RAPGEF4: variants seen among roughly 807,000 people sequenced by gnomAD.
The protein encoded by RAPGEF4 is RAP guanine-nucleotide-exchange factor (GEF) 4.
RAPGEF4 carries 66 observed loss-of-function variants against 147.9 expected under a neutral mutation model. The ratio of observed to expected loss-of-function variants is 0.45; its 90% confidence interval spans 0.37 to 0.55. The LOEUF (loss-of-function observed/expected upper bound fraction) is 0.55, where lower values mean the gene tolerates loss of function less well. Ranked by LOEUF, RAPGEF4 falls within the 20% of genes least tolerant of loss-of-function variation. The probability of loss-of-function intolerance (pLI) is 0.00; values close to 1 mark genes in which losing one functional copy is unlikely to be tolerated. For synonymous variants in RAPGEF4, 419 were observed against 442.7 expected, an observed-to-expected ratio of 0.95 and a Z score of 0.67; for missense variants, 1,071 against 1,257.3, an observed-to-expected ratio of 0.85 and a Z score of 2.24.
At chr2:173,046,313 T>C (rs1450034537) in intron 29 of RAPGEF4, among the ~76,000 whole-genome samples, 1 of 152,224 alleles carries the variant, frequency 6.6e-6, no homozygotes. Flanking sequence ...CTAAAAATTA[T>C]GAAGTCTCAG....
chr2:172,735,741 CGGCGGGCG>C (rs558674907), upstream of RAPGEF4: 1 of 170,656 alleles, frequency 5.9e-6, no homozygotes, highest in East Asian at 1.7e-4. Flanking sequence ...CGCAGTGCAG[CGGCGGGCG>C]GGCGGGCGAC....
At chr2:172,955,235 A>C (rs1349799623) in intron 6 of RAPGEF4, among the ~76,000 whole-genome samples, 1 of 152,078 alleles carries the variant, frequency 6.6e-6, no homozygotes, top group African/African-American at 2.4e-5. Flanking sequence ...TCTACTGGGG[A>C]GTTATTGTGC....
chr2:172,965,396 C>A, intron 8 of RAPGEF4, 166 bp from the exon 9 acceptor site: 2 of 767,500 alleles, frequency 2.6e-6, no homozygotes, highest in Non-Finnish European at 2.2e-6. Flanking sequence ...CTTGTATTAG[C>A]ATTTGAGAAC....
intron 12 of RAPGEF4, among the ~76,000 whole-genome samples, chr2:172,986,769 C>T (rs1005051336): frequency 6.6e-6 from 1 of 151,638 alleles, no homozygotes; most frequent in African/African-American, 2.4e-5. Context: ...CCTTGGCTCA[C>T]TGCAACCTTC....
intron 16 of RAPGEF4, among the ~76,000 whole-genome samples, chr2:172,997,516 C>A (rs1235610176): frequency 6.6e-6 from 1 of 152,100 alleles, no homozygotes; most frequent in African/African-American, 2.4e-5. Context: ...GTCTTGTTAC[C>A]TAAGACACAG....
intron 1 of RAPGEF4, among the ~76,000 whole-genome samples, chr2:172,780,378 C>G (rs546686360): frequency 2.0e-5 from 3 of 152,180 alleles, no homozygotes; most frequent in African/African-American, 7.2e-5. Flanking sequence ...TGTGGGAAGG[C>G]AAATCTATGG....
intron 10 of RAPGEF4, among the ~76,000 whole-genome samples, chr2:172,971,229 A>T (rs187557330): frequency 6.6e-6 from 1 of 152,336 alleles, no homozygotes; most frequent in African/African-American, 2.4e-5. Context: ...CTTCAAGGAG[A>T]CAGGACGCTC....
At chr2:172,957,787 G>C (rs1055766923) in intron 6 of RAPGEF4, among the ~76,000 whole-genome samples, 1 of 152,178 alleles carries the variant, frequency 6.6e-6, no homozygotes, top group Non-Finnish European at 1.5e-5. Flanking sequence ...TCCTGGAACT[G>C]GTACTAGGAT....
intron 1 of RAPGEF4, among the ~76,000 whole-genome samples, chr2:172,739,049 C>A (rs1036413381): frequency 6.6e-6 from 1 of 152,206 alleles, no homozygotes; most frequent in Non-Finnish European, 1.5e-5. Flanking sequence ...GAAACAAAAT[C>A]TATAGCTTTT....
chr2:172,792,537 G>A (rs1317882057), intron 1 of RAPGEF4, among the ~76,000 whole-genome samples: 1 of 152,174 alleles, frequency 6.6e-6, no homozygotes, highest in Non-Finnish European at 1.5e-5. Context: ...CCTTCTAGTA[G>A]GGGTTTGTTG....
chr2:172,822,571 C>A (rs1041419111), intron 4 of RAPGEF4, among the ~76,000 whole-genome samples: 1 of 152,214 alleles, frequency 6.6e-6, no homozygotes, highest in African/African-American at 2.4e-5. Flanking sequence ...GCTTGGCTGG[C>A]AAATGCCAGG....
chr2:172,925,760 A>G (rs1442820563), intron 6 of RAPGEF4, among the ~76,000 whole-genome samples: 4 of 118,874 alleles, frequency 3.4e-5, no homozygotes, highest in Admixed American at 2.0e-4. Flanking sequence ...AGAAAGAGAG[A>G]AAGGAAGAAA....
intron 10 of RAPGEF4, among the ~76,000 whole-genome samples, chr2:172,977,622 T>C (rs1400884823): frequency 1.3e-5 from 2 of 152,088 alleles, no homozygotes; most frequent in Admixed American, 6.5e-5. Flanking sequence ...TGATGCACTT[T>C]GGTGGGCACA....
In RAPGEF4 at chr2:172,844,996, G is replaced by A. The variant is rs191265424; in HGVS notation, c.444+30571G>A. Among the ~76,000 whole-genome samples the A allele has an allele frequency of 5.2e-3, 785 of 152,314 alleles. 3 individuals carry two copies. Among genetic ancestry groups the A allele is most frequent in the Non-Finnish European group, 8.4e-3 (573 of 68,022 alleles). ...TTGGGCAACTTACTATATACAAATG[G>A]AATCCATCTTCTTATTGGGAAGAAG... On this transcript the variant is annotated intron_variant, in intron 4 of 30. Coordinates refer to ENST00000397081, the MANE Select transcript of RAPGEF4 (RefSeq NM_007023.4).
intron 4 of RAPGEF4, among the ~76,000 whole-genome samples, chr2:172,848,607 G>T (rs957910547): frequency 1.3e-5 from 2 of 152,036 alleles, no homozygotes; most frequent in African/African-American, 2.4e-5. Context: ...TGGTCTTTCC[G>T]CCCTAGTCTG....
At chr2:172,930,602 G>A (rs1223248403) in intron 6 of RAPGEF4, among the ~76,000 whole-genome samples, 2 of 151,994 alleles carry the variant, frequency 1.3e-5, no homozygotes, top group Non-Finnish European at 2.9e-5. Flanking sequence ...GTTTGTCAAG[G>A]TCATTTTAAA....
chr2:172,768,689 A>G (rs778283626), intron 1 of RAPGEF4, among the ~76,000 whole-genome samples: 2 of 152,164 alleles, frequency 1.3e-5, no homozygotes, highest in Non-Finnish European at 2.9e-5. Context: ...GGATTCCCAT[A>G]TAACTCCAAA....
chr2:173,023,830 C>T (rs1035840053), intron 23 of RAPGEF4, among the ~76,000 whole-genome samples: 1 of 152,156 alleles, frequency 6.6e-6, no homozygotes, highest in South Asian at 2.1e-4. Context: ...GAGCAAACAG[C>T]AGGAATAACG....
At chr2:172,811,905 T>G (rs1688060290) in intron 3 of RAPGEF4, among the ~76,000 whole-genome samples, 1 of 152,210 alleles carries the variant, frequency 6.6e-6, no homozygotes, top group African/African-American at 2.4e-5. Flanking sequence ...GTGATTTAAA[T>G]GTAAATAAGG....
Sources: gnomAD v4.1 joint callset for allele counts (sites outside exome capture counted in the v4.1 genomes callset) on GRCh38, gnomAD v4.1.1 for gene constraint, MANE v1.5 for transcripts, NCBI Gene and HGNC (gene_info 2026-07-23, HGNC 2026-07-21) for gene names.